Variants in KIF6 observed in about 807,000 individuals in gnomAD.
KIF6 encodes the protein kinesin-like protein KIF6.
A neutral mutation model predicts 112.7 loss-of-function variants in KIF6; 106 were observed. That is an observed-to-expected ratio of 0.94 (90% CI 0.80 to 1.11). The LOEUF (loss-of-function observed/expected upper bound fraction) is 1.11, where lower values mean the gene tolerates loss of function less well. KIF6 is among the 50% of genes least tolerant of loss of function. The pLI, the probability that KIF6 is intolerant of heterozygous loss-of-function variation, is 0.00. For synonymous variants in KIF6, 339 were observed against 339.9 expected (o/e 1.00, Z 0.03); for missense variants, 929 against 964.0 (o/e 0.96, Z 0.48).
At chr6:39,405,500 G>T (rs1769017365) in intron 15 of KIF6, among the ~76,000 whole-genome samples, 1 of 152,120 alleles carries the variant, frequency 6.6e-6, no homozygotes, top group Non-Finnish European at 1.5e-5. Flanking sequence ...CTATTAACAT[G>T]GTGGATTATA....
rs1762742947 is a variant in KIF6, at chr6:39,331,704, G to A, written c.*4828C>T. 2 of 152,242 alleles carry A rather than the reference G, an allele frequency of 1.3e-5. No homozygotes were observed. Among genetic ancestry groups the A allele is most frequent in the Admixed American group, 6.5e-5 (1 of 15,274 alleles). The allele number at this position is 152,242 out of a possible 1,614,324, so 9.4% of individuals were successfully genotyped here. A position where few individuals can be genotyped will look rare whatever the true frequency, so the allele number is the denominator to read the frequency against. Reference sequence around the variant, plus strand: ...GGCTTGTCCCTCTCCTTCGTTAGAAGGTTCCAAGAATGCTGGCACTTTCTC... The same window carrying A: ...GGCTTGTCCCTCTCCTTCGTTAGAAAGTTCCAAGAATGCTGGCACTTTCTC... On this transcript the variant is annotated 3_prime_UTR_variant, in exon 23 of 23. Coordinates refer to ENST00000287152, the MANE Select transcript of KIF6 (RefSeq NM_145027.6).
At chr6:39,656,239 A>G (rs1785774147) in intron 3 of KIF6, among the ~76,000 whole-genome samples, 1 of 152,092 alleles carries the variant, frequency 6.6e-6, no homozygotes, top group Non-Finnish European at 1.5e-5. Flanking sequence ...TACTCCCTTC[A>G]TTTACATGGG....
intron 19 of KIF6, 87 bp downstream of exon 19, chr6:39,357,190 G>T: frequency 1.3e-6 from 1 of 759,152 alleles, no homozygotes. Context: ...CTTATCAAGA[G>T]ACATGAGAGC....
At chr6:39,377,758 C>T (rs1447562125) in intron 16 of KIF6, among the ~76,000 whole-genome samples, 2 of 152,294 alleles carry the variant, frequency 1.3e-5, no homozygotes, top group Admixed American at 6.5e-5. Context: ...CCGTAAGGCC[C>T]TTGCAGGGGA....
intron 5 of KIF6, among the ~76,000 whole-genome samples, chr6:39,624,822 C>T (rs1344856555): frequency 7.1e-6 from 1 of 140,808 alleles, no homozygotes. Context: ...TCCCATCCTT[C>T]CACGCATCAC....
At chr6:39,655,735 G>T (rs1170880868) in intron 3 of KIF6, among the ~76,000 whole-genome samples, 1 of 151,976 alleles carries the variant, frequency 6.6e-6, no homozygotes, top group East Asian at 1.9e-4. Context: ...ATATACATGG[G>T]TCTATTTCTG....
chr6:39,539,927 T>A (rs538217364), intron 13 of KIF6, 76 bp downstream of exon 13: 2 of 1,028,950 alleles, frequency 1.9e-6, no homozygotes, highest in South Asian at 1.7e-5. Context: ...TTCATCCTGA[T>A]ACATGTAAAA....
chr6:39,566,853 T>C (rs1296533311), intron 10 of KIF6, among the ~76,000 whole-genome samples: 1 of 152,230 alleles, frequency 6.6e-6, no homozygotes, highest in African/African-American at 2.4e-5. Flanking sequence ...TGAAACATTG[T>C]TTTTCTGTCA....
At chr6:39,537,215 G>C (rs1025791155) in intron 13 of KIF6, among the ~76,000 whole-genome samples, 1 of 152,180 alleles carries the variant, frequency 6.6e-6, no homozygotes, top group African/African-American at 2.4e-5. Context: ...GTTCTGGCCA[G>C]GGCACTCAGG....
intron 15 of KIF6, among the ~76,000 whole-genome samples, chr6:39,396,572 T>C (rs1768285977): frequency 6.6e-6 from 1 of 152,092 alleles, no homozygotes; most frequent in Non-Finnish European, 1.5e-5. Flanking sequence ...CCTACAATAA[T>C]GGAAAGAGCA....
chr6:39,712,775 G>A (rs1005391425), intron 3 of KIF6, among the ~76,000 whole-genome samples: 3 of 152,036 alleles, frequency 2.0e-5, no homozygotes, highest in African/African-American at 7.3e-5. Context: ...ACACAGGGTG[G>A]GGAACATCAC....
At chr6:39,417,168 C>T (rs1769977582) in intron 15 of KIF6, among the ~76,000 whole-genome samples, 1 of 152,170 alleles carries the variant, frequency 6.6e-6, no homozygotes, top group Admixed American at 6.5e-5. Context: ...CAAGTTCCAC[C>T]TTCCTCCTCC....
chr6:39,649,342 G>A (rs1157888157), intron 3 of KIF6, among the ~76,000 whole-genome samples: 1 of 152,068 alleles, frequency 6.6e-6, no homozygotes, highest in Non-Finnish European at 1.5e-5. Context: ...TTTTGGAAAG[G>A]AATATCCAAG....
chr6:39,506,554 C>G (rs1054821274), intron 13 of KIF6, among the ~76,000 whole-genome samples: 1 of 152,148 alleles, frequency 6.6e-6, no homozygotes, highest in African/African-American at 2.4e-5. Context: ...TATATTTGGT[C>G]TCTGCCCCTG....
intron 14 of KIF6, among the ~76,000 whole-genome samples, chr6:39,429,726 G>A (rs1206364041): frequency 2.0e-5 from 3 of 152,164 alleles, no homozygotes; most frequent in Admixed American, 6.5e-5. Flanking sequence ...GGCTAACACA[G>A]TGAAACCCCG....
chr6:39,539,304 C>G (rs1037032883), intron 13 of KIF6, among the ~76,000 whole-genome samples: 3 of 151,580 alleles, frequency 2.0e-5, no homozygotes, highest in Non-Finnish European at 4.4e-5. Flanking sequence ...TATTACGTGA[C>G]AAAGTTTTAT....
At chr6:39,699,579 A>C (rs1191307625) in intron 3 of KIF6, among the ~76,000 whole-genome samples, 2 of 152,202 alleles carry the variant, frequency 1.3e-5, no homozygotes, top group Admixed American at 6.5e-5. Context: ...AGGGCTGGCT[A>C]AACTATTGTG....
At chr6:39,470,703 C>G (rs777460200) in intron 13 of KIF6, among the ~76,000 whole-genome samples, 3 of 151,452 alleles carry the variant, frequency 2.0e-5, no homozygotes, top group Non-Finnish European at 3.0e-5. Context: ...ACAGCTGTTT[C>G]CACTATTCCC....
chr6:39,618,676 T>C (rs1783657465), intron 5 of KIF6, among the ~76,000 whole-genome samples: 1 of 152,170 alleles, frequency 6.6e-6, no homozygotes, highest in Non-Finnish European at 1.5e-5. Flanking sequence ...ATTAATCCAA[T>C]ATAATGTGGC....
Sources: gnomAD v4.1 joint callset for allele counts (sites outside exome capture counted in the v4.1 genomes callset) on GRCh38, gnomAD v4.1.1 for gene constraint, MANE v1.5 for transcripts, NCBI Gene and HGNC (gene_info 2026-07-23, HGNC 2026-07-21) for gene names.